Variants in ELP4 observed in about 807,000 individuals in gnomAD.
ELP4 encodes elongator acetyltransferase complex subunit 4, also known as elongator complex protein 4.
Under a neutral mutation model 48.9 loss-of-function variants are expected in ELP4, and 51 were observed. The observed-to-expected ratio is 1.04, with a 90% CI of 0.83 to 1.32. ELP4 has a LOEUF of 1.32. Among genes scored for constraint, ELP4 ranks in the 40% most tolerant of loss-of-function variants. ELP4 has a pLI of 0.00. For missense variants in ELP4, 519 were observed against 514.6 expected (o/e 1.01, Z -0.08); for synonymous variants, 210 against 189.2 (o/e 1.11, Z -0.90).
At chr11:31,667,811 A>T (rs1391590050) in intron 9 of ELP4, among the ~76,000 whole-genome samples, 1 of 152,164 alleles carries the variant, frequency 6.6e-6, no homozygotes, top group East Asian at 1.9e-4. Context: ...AAAATGTCTA[A>T]CTTATACACT....
chr11:31,739,205 A>G (rs1210104599), intron 9 of ELP4, among the ~76,000 whole-genome samples: 2 of 152,226 alleles, frequency 1.3e-5, no homozygotes, highest in Non-Finnish European at 2.9e-5. Flanking sequence ...ATAAAAGTGT[A>G]GTGACACAAT....
rs77550395 is a variant in ELP4, at chr11:31,566,593, G to A, written c.381+26810G>A. Among the ~76,000 whole-genome samples the A allele has an allele frequency of 9.0e-3, 1,369 of 152,106 alleles. 26 individuals are homozygous for A. Among genetic ancestry groups the A allele is most frequent in the African/African-American group, 0.032 (1,310 of 41,466 alleles). Reference sequence around the variant, plus strand: ...GATAACATTTATCCACACCATAATCGGGTAAAATACTTCTTTATATTGATG... The same window carrying A: ...GATAACATTTATCCACACCATAATCAGGTAAAATACTTCTTTATATTGATG... On this transcript the variant is annotated intron_variant, in intron 3 of 9. Coordinates refer to ENST00000640961, the MANE Select transcript of ELP4 (RefSeq NM_019040.5).
intron 1 of ELP4, among the ~76,000 whole-genome samples, chr11:31,514,892 G>T (rs1488142445): frequency 6.6e-6 from 1 of 151,768 alleles, no homozygotes; most frequent in East Asian, 1.9e-4. Context: ...CATTTATCAA[G>T]TAAGAGACAT....
In ELP4 at chr11:31,510,022, G is replaced by C; in HGVS notation, c.223+15G>C. The C allele has an allele frequency of 6.2e-7, 1 of 1,604,290 alleles. No homozygotes were observed. Among genetic ancestry groups the C allele is most frequent in the Non-Finnish European group, 8.5e-7 (1 of 1,174,904 alleles). On this transcript the variant is annotated intron_variant, in intron 1 of 9. Transcript: ENST00000640961. ...CCAGCTCTTAGGTCGGTTCAGAGCG[G>C]AGATCTGGGCTCAGCCGAGGGGAAA...
intron 9 of ELP4, among the ~76,000 whole-genome samples, chr11:31,684,265 G>C (rs1341248936): frequency 1.3e-5 from 2 of 151,482 alleles, no homozygotes; most frequent in Non-Finnish European, 2.9e-5. Context: ...GGAGTGCAGT[G>C]GATCAATCTT....
rs1408089878 is a variant in ELP4, at chr11:31,783,412, A to T, written c.1163A>T (p.Asp388Val). ...CCATAGCGACTGCATTTGCCTCCAG[A>T]CTTGTCAGACACAGTGAGCCGCTCA... ...FTIERLHLPPDLSDTVSRSSK... is the reference protein window; with the variant it reads ...FTIERLHLPPVLSDTVSRSSK... Residue 388 changes from aspartate to valine, a missense_variant, in exon 10 of 10, where the codon GAC (aspartate) becomes GTC (valine). Coordinates refer to ENST00000640961, the MANE Select transcript of ELP4 (RefSeq NM_019040.5). 6.2e-7 allele frequency: 1 copy of T among 1,613,688 alleles called. No individual in the cohort carries two copies. The highest frequency in any genetic ancestry group is 1.3e-5 in the African/African-American group (1 of 74,968).
chr11:31,654,618 GATT>G (rs1324828865), intron 9 of ELP4: 1 of 151,738 alleles, frequency 6.6e-6, no homozygotes, highest in African/African-American at 2.4e-5. Flanking sequence ...TATTCAATAA[GATT>G]ATTATTTACA....
At chr11:31,586,434 A>G (rs1363733417) in intron 3 of ELP4, among the ~76,000 whole-genome samples, 1 of 152,324 alleles carries the variant, frequency 6.6e-6, no homozygotes, top group African/African-American at 2.4e-5. Flanking sequence ...AAGTTGTTGA[A>G]GGAAGAGTTT....
intron 8 of ELP4, chr11:31,648,079 T>C (rs1945243145): frequency 1.5e-5 from 5 of 324,186 alleles, no homozygotes; most frequent in Non-Finnish European, 2.9e-5. Flanking sequence ...GAGGCATGGC[T>C]GAGTCAGGTG....
intron 3 of ELP4, among the ~76,000 whole-genome samples, chr11:31,550,820 G>T (rs948133885): frequency 2.0e-5 from 3 of 152,126 alleles, no homozygotes; most frequent in African/African-American, 7.2e-5. Context: ...AGCAGATGTT[G>T]TTCTTTGGCC....
chr11:31,534,828 A>G (rs1039622160), intron 2 of ELP4, among the ~76,000 whole-genome samples: 2 of 152,226 alleles, frequency 1.3e-5, no homozygotes, highest in Admixed American at 1.3e-4. Context: ...AAACTGACTT[A>G]ATAGTAATTA....
chr11:31,713,952 G>A (rs1382098769), intron 9 of ELP4, among the ~76,000 whole-genome samples: 2 of 152,088 alleles, frequency 1.3e-5, no homozygotes, highest in African/African-American at 4.8e-5. Flanking sequence ...TTAGAGAATA[G>A]GAATGCTATA....
chr11:31,750,924 T>C (rs1415936392), intron 9 of ELP4, among the ~76,000 whole-genome samples: 1 of 152,232 alleles, frequency 6.6e-6, no homozygotes, highest in African/African-American at 2.4e-5. Flanking sequence ...AACTGAAATG[T>C]GCAGAAGAAA....
chr11:31,543,838 C>T (rs1956638608), intron 3 of ELP4, among the ~76,000 whole-genome samples: 2 of 152,126 alleles, frequency 1.3e-5, no homozygotes, highest in African/African-American at 4.8e-5. Context: ...CAGCAAATAT[C>T]TTTCATAAAC....
intron 9 of ELP4, 200 bp downstream of exon 9, chr11:31,650,421 T>C (rs1475950539): frequency 2.5e-6 from 1 of 392,512 alleles, no homozygotes. Context: ...ATATATCAAG[T>C]ATGGCAAAGA....
At chr11:31,564,895 A>G (rs1957082487) in intron 3 of ELP4, among the ~76,000 whole-genome samples, 1 of 152,188 alleles carries the variant, frequency 6.6e-6, no homozygotes, top group African/African-American at 2.4e-5. Flanking sequence ...TATACCCAGT[A>G]ATGGGATGGC....
At chr11:31,568,606 G>T (rs1418120870) in intron 3 of ELP4, among the ~76,000 whole-genome samples, 1 of 152,068 alleles carries the variant, frequency 6.6e-6, no homozygotes, top group Non-Finnish European at 1.5e-5. Flanking sequence ...ACAGAAAAGA[G>T]AACCCAGAAA....
chr11:31,733,106 A>G (rs1947228595), intron 9 of ELP4, among the ~76,000 whole-genome samples: 1 of 152,200 alleles, frequency 6.6e-6, no homozygotes, highest in Non-Finnish European at 1.5e-5. Context: ...TGCAGAATAT[A>G]CATTGTTCTC....
At chr11:31,582,296 T>A (rs1184611341) in intron 3 of ELP4, among the ~76,000 whole-genome samples, 1 of 152,260 alleles carries the variant, frequency 6.6e-6, no homozygotes, top group Admixed American at 6.5e-5. Flanking sequence ...CAGAAAGCAC[T>A]TTAAAACATA....
Sources: gnomAD v4.1 joint callset for allele counts (sites outside exome capture counted in the v4.1 genomes callset) on GRCh38, gnomAD v4.1.1 for gene constraint, MANE v1.5 for transcripts, NCBI Gene and HGNC (gene_info 2026-07-23, HGNC 2026-07-21) for gene names.